Variants in EPB41L4A observed in about 807,000 individuals in gnomAD.
The protein encoded by EPB41L4A is band 4.1-like protein 4A.
EPB41L4A carries 100 observed loss-of-function variants against 108.6 expected under a neutral mutation model. The observed-to-expected ratio is 0.92, with a 90% CI of 0.78 to 1.09. The LOEUF is 1.09. Ranked by LOEUF, EPB41L4A falls within the 50% of genes least tolerant of loss-of-function variation. The pLI is 0.00. For missense variants in EPB41L4A, 1,030 were observed against 842.7 expected, an observed-to-expected ratio of 1.22 and a Z score of -2.75; for synonymous variants, 319 against 289.0, an observed-to-expected ratio of 1.10 and a Z score of -1.05.
chr5:112,195,098 T>C (rs537169133), intron 16 of EPB41L4A, among the ~76,000 whole-genome samples: 1 of 152,206 alleles, frequency 6.6e-6, no homozygotes, highest in Admixed American at 6.5e-5. Flanking sequence ...GTGGAAGGGA[T>C]ACTATGTCAG....
intron 1 of EPB41L4A, among the ~76,000 whole-genome samples, chr5:112,337,435 T>G (rs1375787724): frequency 6.6e-6 from 1 of 152,180 alleles, no homozygotes; most frequent in East Asian, 1.9e-4. Context: ...ATTGCTAACA[T>G]TTATTGAACA....
intron 15 of EPB41L4A, chr5:112,196,967 C>T (rs1761993488): frequency 6.6e-6 from 1 of 152,204 alleles, no homozygotes; most frequent in African/African-American, 2.4e-5. Context: ...CTTTCATCTT[C>T]CTGCTACCAA....
intron 1 of EPB41L4A, among the ~76,000 whole-genome samples, chr5:112,401,854 C>T (rs796372305): frequency 1.3e-5 from 2 of 152,292 alleles, no homozygotes; most frequent in African/African-American, 2.4e-5. Context: ...TTTTTGGTTG[C>T]GTATGATTAG....
intron 12 of EPB41L4A, among the ~76,000 whole-genome samples, chr5:112,220,612 A>T (rs1473796980): frequency 6.6e-6 from 1 of 152,180 alleles, no homozygotes; most frequent in Non-Finnish European, 1.5e-5. Context: ...CATCTTAGAA[A>T]GCCTCTGTGT....
chr5:112,354,750 A>T (rs762980258), intron 1 of EPB41L4A, among the ~76,000 whole-genome samples: 1 of 152,220 alleles, frequency 6.6e-6, no homozygotes, highest in South Asian at 2.1e-4. Flanking sequence ...ACAGATTAAC[A>T]GTATATACTT....
At chr5:112,362,887 C>T (rs1203628999) in intron 1 of EPB41L4A, among the ~76,000 whole-genome samples, 3 of 151,218 alleles carry the variant, frequency 2.0e-5, no homozygotes, top group African/African-American at 4.9e-5. Context: ...TAGCAGGTAG[C>T]TTTATATGTA....
In EPB41L4A at chr5:112,296,648, T is replaced by C. The variant is rs1754003045; in HGVS notation, c.204+10738A>G. Among the ~76,000 whole-genome samples the C allele has an allele frequency of 2.0e-5, 3 of 152,160 alleles. 1 individual carries two copies. The highest frequency in any genetic ancestry group is 4.1e-4 in the South Asian group (2 of 4,828). ...AGGTTTTTAGGGAACAGGTTAGGTA[T>C]TGAGTTACATGAATAAGTTCTTTAA... On this transcript the variant is annotated intron_variant, in intron 2 of 22. Coordinates refer to ENST00000261486, the MANE Select transcript of EPB41L4A (RefSeq NM_022140.5).
intron 7 of EPB41L4A, 89 bp downstream of exon 7, chr5:112,262,405 G>T (rs1242354426): frequency 1.9e-6 from 2 of 1,036,238 alleles, no homozygotes; most frequent in Non-Finnish European, 3.0e-6. Flanking sequence ...TAAACAACAG[G>T]ACTGCAGCTT....
intron 2 of EPB41L4A, among the ~76,000 whole-genome samples, chr5:112,296,807 G>T (rs1037353281): frequency 6.6e-6 from 1 of 151,354 alleles, no homozygotes. Context: ...TCATTCTTAT[G>T]CCTTTGCATC....
chr5:112,155,394 G>A (rs1387624335), intron 12 of EPB41L4A, among the ~76,000 whole-genome samples: 1 of 151,602 alleles, frequency 6.6e-6, no homozygotes, highest in Non-Finnish European at 1.5e-5. Context: ...TGTATCAAAT[G>A]CTTTGAGATA....
At chr5:112,386,569 C>T (rs142171491) in intron 1 of EPB41L4A, among the ~76,000 whole-genome samples, 118 of 152,160 alleles carry the variant, frequency 7.8e-4, no homozygotes, top group African/African-American at 2.8e-3. Flanking sequence ...TGGATGTAAC[C>T]GTCAGGCTCT....
At chr5:112,146,396 GT>G (rs1487009371) in intron 12 of EPB41L4A, among the ~76,000 whole-genome samples, 1 of 152,152 alleles carries the variant, frequency 6.6e-6, no homozygotes, top group Admixed American at 6.5e-5. Context: ...AGAAACCCAG[GT>G]TTTGTGTTTA....
At chr5:112,259,748 A>G (rs1355083926) in intron 8 of EPB41L4A, 143 bp downstream of exon 8, 1 of 652,238 alleles carries the variant, frequency 1.5e-6, no homozygotes, top group African/African-American at 1.8e-5. Flanking sequence ...GTGCAACAGG[A>G]GAAAACTCAC....
intron 2 of EPB41L4A, among the ~76,000 whole-genome samples, chr5:112,306,499 A>G (rs528154601): frequency 6.6e-6 from 1 of 152,306 alleles, no homozygotes; most frequent in African/African-American, 2.4e-5. Flanking sequence ...ACCACTCAGA[A>G]AATCATGTTC....
At chr5:112,335,095 T>G (rs2150677435) in intron 1 of EPB41L4A, among the ~76,000 whole-genome samples, 1 of 152,274 alleles carries the variant, frequency 6.6e-6, no homozygotes, top group Middle Eastern at 3.4e-3. Context: ...CTCCTGGCTT[T>G]GCACTGATTG....
chr5:112,374,783 T>C (rs915214911), intron 1 of EPB41L4A, among the ~76,000 whole-genome samples: 1 of 152,226 alleles, frequency 6.6e-6, no homozygotes, highest in African/African-American at 2.4e-5. Context: ...AGAAGGTAAT[T>C]TAAAACATTA....
At chr5:112,255,167 A>G (rs983668587) in intron 9 of EPB41L4A, among the ~76,000 whole-genome samples, 7 of 151,658 alleles carry the variant, frequency 4.6e-5, no homozygotes, top group Non-Finnish European at 7.4e-5. Flanking sequence ...CACCCTCCTC[A>G]TATGTTGATG....
rs142586099 is a variant in EPB41L4A, at chr5:112,305,972, C to G, written c.204+1414G>C. On this transcript the variant is annotated intron_variant, in intron 2 of 22. Coordinates refer to ENST00000261486, the MANE Select transcript of EPB41L4A (RefSeq NM_022140.5). Reference sequence around the variant, plus strand: ...ACTTTCAATAAACTAGCAACACTAACTGCTACAGTAGGGGCCATTGTTTTG... The same window carrying G: ...ACTTTCAATAAACTAGCAACACTAAGTGCTACAGTAGGGGCCATTGTTTTG... Among the ~76,000 whole-genome samples the G allele has an allele frequency of 2.2e-3, 333 of 152,256 alleles. 1 individual carries two copies. The highest frequency in any genetic ancestry group is 7.7e-3 in the African/African-American group (321 of 41,562).
Position 112,205,450 on chromosome 5 carries a change from A to C in EPB41L4A, c.1233T>G (p.His411Gln). 6.2e-7 allele frequency: 1 copy of C among 1,614,028 alleles called. No individual in the cohort carries two copies. Among genetic ancestry groups the C allele is most frequent in the Non-Finnish European group, 8.5e-7 (1 of 1,179,938 alleles). Residue 411 changes from histidine (H) to glutamine (Q), a missense_variant, in exon 14 of 23, where the codon CAT becomes CAG. Physicochemically the swap from His to Gln is conservative, Grantham distance 24. Coordinates refer to ENST00000261486, the MANE Select transcript of EPB41L4A (RefSeq NM_022140.5). ...NSPDTQRSKS[H>Q]APWEENGPQS... ...GGGGGCCATTTTCTTCCCACGGTGC[A>C]TGAGATTTGCTTCTTTGGGTATCAG... is the stretch of plus-strand genomic sequence containing the variant.
Sources: gnomAD v4.1 joint callset for allele counts (sites outside exome capture counted in the v4.1 genomes callset) on GRCh38, gnomAD v4.1.1 for gene constraint, MANE v1.5 for transcripts, NCBI Gene and HGNC (gene_info 2026-07-23, HGNC 2026-07-21) for gene names.